The following MBNL1 variants were observed in gnomAD, a reference collection of about 807,000 sequenced individuals.
MBNL1 encodes the protein muscleblind-like protein 1.
A neutral mutation model predicts 42.2 loss-of-function variants in MBNL1; 8 were observed. That is an observed-to-expected ratio of 0.19 (90% CI 0.11 to 0.34). The LOEUF (loss-of-function observed/expected upper bound fraction) is 0.34. Ranked by LOEUF, MBNL1 falls within the 10% of genes least tolerant of loss-of-function variation. MBNL1 has a pLI of 1.00. For synonymous variants in MBNL1, 169 were observed against 173.9 expected (o/e 0.97, Z 0.22); for missense variants, 309 against 495.3 (o/e 0.62, Z 3.57).
chr3:152,285,732 C>G (rs2051253897), intron 1 of MBNL1, among the ~76,000 whole-genome samples: 1 of 150,352 alleles, frequency 6.7e-6, no homozygotes, highest in Non-Finnish European at 1.5e-5. Context: ...AAACAATCCT[C>G]CTGCCTCAGC....
intron 2 of MBNL1, chr3:152,340,988 GA>G (rs2093047847): frequency 1.4e-6 from 2 of 1,461,744 alleles, no homozygotes; most frequent in African/African-American, 2.8e-5. Flanking sequence ...GTAAATTGAT[GA>G]GGGGACACAA....
chr3:152,428,888 T>G (rs545097016), intron 3 of MBNL1, among the ~76,000 whole-genome samples: 2 of 152,356 alleles, frequency 1.3e-5, no homozygotes, highest in Admixed American at 1.3e-4. Context: ...TATAGACACA[T>G]AATCTTTGTG....
At chr3:152,258,945 G>A (rs2035843323) in intron 2 of MBNL1, among the ~76,000 whole-genome samples, 1 of 152,110 alleles carries the variant, frequency 6.6e-6, no homozygotes, top group South Asian at 2.1e-4. Context: ...GGTATTTAGG[G>A]ACCTTGGCAA....
chr3:152,386,982 C>G (rs1004648837), intron 2 of MBNL1, among the ~76,000 whole-genome samples: 2 of 152,118 alleles, frequency 1.3e-5, no homozygotes, highest in African/African-American at 4.8e-5. Context: ...GATCTGGCTA[C>G]TGCAGTGTTG....
chr3:152,399,669 T>C lies in MBNL1; in HGVS notation c.175-15272T>C, dbSNP rs114160914. Among the ~76,000 whole-genome samples, 310 of 152,136 alleles carry C rather than the reference T, an allele frequency of 2.0e-3. 1 individual carries two copies. The highest frequency in any genetic ancestry group is 7.2e-3 in the African/African-American group (297 of 41,494). On this transcript the variant is annotated intron_variant, in intron 2 of 9. Coordinates refer to ENST00000324210, the MANE Select transcript of MBNL1 (RefSeq NM_021038.5). ...TGTATGCCACCACACCTGTCTATTTTTTTTCTATATTTTTGTAGACACAGG... is the reference window on the plus strand; with the variant it reads ...TGTATGCCACCACACCTGTCTATTTCTTTTCTATATTTTTGTAGACACAGG...
chr3:152,450,506 C>G (rs1720574161), intron 6 of MBNL1, among the ~76,000 whole-genome samples: 2 of 152,096 alleles, frequency 1.3e-5, no homozygotes, highest in South Asian at 4.1e-4. Context: ...ACAAGTGAAG[C>G]AAGAATAAAT....
chr3:152,459,919 T>TACTTCATCCCATTCACC (rs370049783), intron 9 of MBNL1, among the ~76,000 whole-genome samples: 1 of 151,248 alleles, frequency 6.6e-6, no homozygotes, highest in East Asian at 1.9e-4. Flanking sequence ...GACCATGTAC[T>TACTTCATCCCATTCACC]TACTTCATCC....
intron 3 of MBNL1, among the ~76,000 whole-genome samples, chr3:152,418,662 C>T (rs6440803): frequency 0.74 from 101,749 of 137,622 alleles, 38,342 homozygotes; most frequent in African/African-American, 0.87. Flanking sequence ...TCTGACCTTC[C>T]TCAACAAATG....
chr3:152,270,591 C>T (rs2040846343), intron 1 of MBNL1, among the ~76,000 whole-genome samples: 1 of 152,110 alleles, frequency 6.6e-6, no homozygotes, highest in African/African-American at 2.4e-5. Flanking sequence ...TAAAATTTAT[C>T]CCAGGAATGT....
chr3:152,446,693 T>C (rs773598566), intron 5 of MBNL1: 19 of 1,613,686 alleles, frequency 1.2e-5, no homozygotes, highest in Non-Finnish European at 1.5e-5. Flanking sequence ...GCTCGCTGCC[T>C]GCTAATTAAG....
At chr3:152,328,278 G>C (rs2081754347) in intron 2 of MBNL1, among the ~76,000 whole-genome samples, 1 of 152,122 alleles carries the variant, frequency 6.6e-6, no homozygotes, top group East Asian at 1.9e-4. Flanking sequence ...AAAGGATCCT[G>C]TGACTGACAC....
intron 2 of MBNL1, chr3:152,340,425 C>T: frequency 1.4e-6 from 2 of 1,398,842 alleles, no homozygotes; most frequent in South Asian, 2.9e-5. Context: ...TTTTTTCCTG[C>T]CAAGTTCAGT....
In MBNL1 at chr3:152,418,089, G is replaced by A. The variant is rs967027252; in HGVS notation, c.345+2978G>A. Among the ~76,000 whole-genome samples the A allele has an allele frequency of 3.0e-4, 46 of 152,128 alleles. 1 individual carries two copies. Among genetic ancestry groups the A allele is most frequent in the Admixed American group, 2.8e-3 (42 of 15,266 alleles). On this transcript the variant is annotated intron_variant, in intron 3 of 9. Transcript: ENST00000324210. ...TGTACCAAGCCAAGAATCAGAAACC[G>A]GACTTAAAATTTTTGAGACAAATAC...
chr3:152,323,984 T>A (rs748377341), intron 2 of MBNL1, among the ~76,000 whole-genome samples: 1 of 152,186 alleles, frequency 6.6e-6, no homozygotes, highest in Non-Finnish European at 1.5e-5. Context: ...ATGCAAAAAT[T>A]ATCCCCGTTT....
chr3:152,299,382 T>G (rs1259376690), intron 1 of MBNL1, 23 bp from the exon 2 acceptor site: 3 of 257,524 alleles, frequency 1.2e-5, no homozygotes, highest in Non-Finnish European at 2.2e-5. Flanking sequence ...TAGTAAATCT[T>G]AACCTATCTC....
chr3:152,355,301 G>T (rs2095432621), intron 2 of MBNL1, among the ~76,000 whole-genome samples: 1 of 152,158 alleles, frequency 6.6e-6, no homozygotes, highest in Non-Finnish European at 1.5e-5. Context: ...AGAATTAAAT[G>T]AGTTAGTATA....
At chr3:152,278,787 TAACA>T (rs769776187) in intron 1 of MBNL1, among the ~76,000 whole-genome samples, 52 of 152,132 alleles carry the variant, frequency 3.4e-4, no homozygotes, top group Non-Finnish European at 6.0e-4. Context: ...AATAATCAGT[TAACA>T]AACATATTCT....
intron 2 of MBNL1, among the ~76,000 whole-genome samples, chr3:152,344,621 C>G: frequency 6.6e-6 from 1 of 152,136 alleles, no homozygotes; most frequent in East Asian, 1.9e-4. Context: ...CAGTGTGGAA[C>G]TTTCTGGTTT....
At chr3:152,444,415 T>C (rs1210490513) in intron 4 of MBNL1, among the ~76,000 whole-genome samples, 3 of 152,160 alleles carry the variant, frequency 2.0e-5, no homozygotes, top group Non-Finnish European at 4.4e-5. Context: ...CTGCTTTATA[T>C]AGCTACCAAG....
Sources: gnomAD v4.1 joint callset for allele counts (sites outside exome capture counted in the v4.1 genomes callset) on GRCh38, gnomAD v4.1.1 for gene constraint, MANE v1.5 for transcripts, NCBI Gene and HGNC (gene_info 2026-07-23, HGNC 2026-07-21) for gene names.